MEIS1: variants seen among roughly 807,000 people sequenced by gnomAD.
MEIS1 encodes Meis homeobox 1.
A neutral mutation model predicts 50.8 loss-of-function variants in MEIS1; 5 were observed. The ratio of observed to expected loss-of-function variants is 0.10; its 90% confidence interval spans 0.05 to 0.21. The LOEUF (loss-of-function observed/expected upper bound fraction) is 0.21. Ranked by LOEUF, MEIS1 falls within the 10% of genes least tolerant of loss-of-function variation. MEIS1 has a pLI of 1.00. For synonymous variants in MEIS1, 176 were observed against 179.3 expected, an observed-to-expected ratio of 0.98 and a Z score of 0.15; for missense variants, 318 against 517.3, an observed-to-expected ratio of 0.61 and a Z score of 3.74.
intron 8 of MEIS1, among the ~76,000 whole-genome samples, chr2:66,533,229 C>T (rs915498569): frequency 1.3e-5 from 2 of 152,182 alleles, no homozygotes; most frequent in African/African-American, 4.8e-5. Context: ...CCACTTCTGA[C>T]TTCCAACCAC....
chr2:66,514,988 A>G (rs1453051747), intron 8 of MEIS1, among the ~76,000 whole-genome samples: 1 of 152,228 alleles, frequency 6.6e-6, no homozygotes, highest in Admixed American at 6.5e-5. Context: ...AACCACTGAC[A>G]TCTCAGTACT....
intron 6 of MEIS1, among the ~76,000 whole-genome samples, chr2:66,463,905 T>C (rs1168928205): frequency 2.0e-5 from 3 of 152,204 alleles, no homozygotes; most frequent in African/African-American, 7.2e-5. Flanking sequence ...TATTTGTAGA[T>C]ATTATTTTAG....
At chr2:66,444,343 T>C (rs1474756476) in intron 6 of MEIS1, among the ~76,000 whole-genome samples, 1 of 152,214 alleles carries the variant, frequency 6.6e-6, no homozygotes, top group African/African-American at 2.4e-5. Flanking sequence ...GTACAGTCCT[T>C]GTCGAGCGCC....
chr2:66,553,844 C>T (rs74470083), intron 9 of MEIS1, among the ~76,000 whole-genome samples: 1,548 of 152,250 alleles, frequency 0.01, 32 homozygotes, highest in African/African-American at 0.035. Flanking sequence ...CTGTTAAAGA[C>T]GAAAGCTCCT....
At chr2:66,474,638 T>C (rs1191877089) in intron 7 of MEIS1, among the ~76,000 whole-genome samples, 1 of 152,178 alleles carries the variant, frequency 6.6e-6, no homozygotes, top group Non-Finnish European at 1.5e-5. Context: ...GTTGGTAAAG[T>C]TGGGTTTTGC....
intron 2 of MEIS1, chr2:66,439,624 G>A (rs1327425286): frequency 1.3e-6 from 2 of 1,537,468 alleles, no homozygotes; most frequent in Non-Finnish European, 1.7e-6. Context: ...CTCAGATACC[G>A]TCCATGGCTC....
At chr2:66,529,785 T>G (rs1201417320) in intron 8 of MEIS1, among the ~76,000 whole-genome samples, 3 of 152,252 alleles carry the variant, frequency 2.0e-5, no homozygotes, top group African/African-American at 7.2e-5. Flanking sequence ...TTCTTTTCTT[T>G]TTTAATATTT....
At chr2:66,567,375 C>G in intron 9 of MEIS1, 78 bp from the exon 10 acceptor site, 1 of 1,450,168 alleles carries the variant, frequency 6.9e-7, no homozygotes, top group Non-Finnish European at 9.5e-7. Context: ...ACTCCAACTG[C>G]GATTCATCTT....
At chr2:66,437,577 A>C in intron 1 of MEIS1, 160 bp from the exon 2 acceptor site, 1 of 648,930 alleles carries the variant, frequency 1.5e-6, no homozygotes, top group Non-Finnish European at 2.7e-6. Flanking sequence ...TAAAGCTTTA[A>C]TTTTAAAATA....
chr2:66,475,925 T>C (rs10182111), intron 7 of MEIS1, among the ~76,000 whole-genome samples: 14,916 of 152,238 alleles, frequency 0.098, 1,446 homozygotes, highest in African/African-American at 0.25. Flanking sequence ...ACAGCCTATT[T>C]TGATGTGAGC....
chr2:66,550,255 A>G (rs1451868691), intron 9 of MEIS1, among the ~76,000 whole-genome samples: 2 of 152,146 alleles, frequency 1.3e-5, no homozygotes, highest in Non-Finnish European at 2.9e-5. Flanking sequence ...TTGTATATAT[A>G]TGGAGTTAGA....
intron 9 of MEIS1, among the ~76,000 whole-genome samples, chr2:66,565,658 C>T (rs1246064309): frequency 6.6e-6 from 1 of 152,062 alleles, no homozygotes; most frequent in African/African-American, 2.4e-5. Context: ...ATGTCTCTTC[C>T]TATTTTTAGG....
intron 7 of MEIS1, among the ~76,000 whole-genome samples, chr2:66,505,769 T>A (rs1386881642): frequency 4.6e-5 from 7 of 152,248 alleles, no homozygotes. Context: ...AAAGTAGTGA[T>A]ATATTTCTGA....
chr2:66,450,681 T>C (rs1672258358), intron 6 of MEIS1, among the ~76,000 whole-genome samples: 1 of 152,140 alleles, frequency 6.6e-6, no homozygotes, highest in African/African-American at 2.4e-5. Context: ...TATCAGTAAA[T>C]AAGATTTTTG....
chr2:66,457,123 G>T (rs1672409529), intron 6 of MEIS1, among the ~76,000 whole-genome samples: 1 of 147,106 alleles, frequency 6.8e-6, no homozygotes, highest in Non-Finnish European at 1.5e-5. Flanking sequence ...GCCTAAACTT[G>T]TTGTGGTTAA....
chr2:66,527,591 A>AGTGTGTGTGTGTGTGTGT (rs71409176), intron 8 of MEIS1, among the ~76,000 whole-genome samples: 2 of 124,400 alleles, frequency 1.6e-5, no homozygotes, highest in Admixed American at 1.6e-4. Context: ...AGTAAAAGCA[A>AGTGTGTGTGTGTGTGTGT]GTGTGTGTGT....
At chr2:66,441,622 C>A in intron 5 of MEIS1, 158 bp downstream of exon 5, 1 of 609,638 alleles carries the variant, frequency 1.6e-6, no homozygotes, top group Non-Finnish European at 2.7e-6. Flanking sequence ...GTCCATTTCT[C>A]TTCGCAGTTT....
intron 9 of MEIS1, among the ~76,000 whole-genome samples, chr2:66,562,809 T>G (rs1675251091): frequency 6.6e-6 from 1 of 152,190 alleles, no homozygotes; most frequent in Non-Finnish European, 1.5e-5. Flanking sequence ...ATAAAGATTC[T>G]TCTCCTAATT....
chr2:66,458,599 C>G (rs1672449070), intron 6 of MEIS1, among the ~76,000 whole-genome samples: 1 of 152,160 alleles, frequency 6.6e-6, no homozygotes, highest in Admixed American at 6.5e-5. Context: ...CAAGGGAGTA[C>G]TTTTTATCCT....
Sources: allele counts gnomAD v4.1 joint callset (sites outside exome capture counted in the v4.1 genomes callset), GRCh38; gene constraint gnomAD v4.1.1; transcripts MANE v1.5; gene names NCBI Gene and HGNC (gene_info 2026-07-23, HGNC 2026-07-21).